Variants in EFL1 observed in about 807,000 individuals in gnomAD.
EFL1 encodes elongation factor like GTPase 1, also known as elongation factor-like GTPase 1.
In EFL1, 76 loss-of-function variants were observed where a neutral mutation model predicts 126.7. The ratio of observed to expected loss-of-function variants is 0.60; its 90% CI spans 0.50 to 0.73. EFL1 has a LOEUF of 0.73. Ranked by LOEUF, EFL1 falls within the 30% of genes least tolerant of loss-of-function variation. The pLI is 0.00. For missense variants in EFL1, 1,128 were observed against 1,343.2 expected, an observed-to-expected ratio of 0.84 and a Z score of 2.50; for synonymous variants, 410 against 448.4, an observed-to-expected ratio of 0.91 and a Z score of 1.08.
intron 19 of EFL1, among the ~76,000 whole-genome samples, chr15:82,134,314 A>G (rs1217551987): frequency 3.3e-5 from 5 of 152,074 alleles, no homozygotes; most frequent in Admixed American, 3.3e-4. Context: ...TGTGCTCTAC[A>G]GAAAGGACCC....
At position 82,238,329 on chromosome 15, in the gene EFL1, C is replaced by T; in HGVS notation, c.709G>A (p.Ala237Thr). Residue 237 changes from alanine to threonine, a missense_variant, in exon 7 of 20, where the codon GCA becomes ACA. By Grantham distance (58) the Ala-to-Thr change is moderately conservative (BLOSUM62 0). This residue lies in a region of EFL1 where 316 missense variants were observed against 318.5 expected (regional missense o/e 0.99). Transcript: ENST00000268206. The part of the protein sequence containing the change: ...PEQGNVVFTS[A>T]IDGWGFGIEH... ...TACCCAAAGCCCCACCCATCTATTG[C>T]ACTGGTAAACACCACATTTCCCTGT... 1 of 1,614,148 alleles carries T rather than the reference C, an allele frequency of 6.2e-7. No homozygotes were observed. The highest frequency in any genetic ancestry group is 8.5e-7 in the Non-Finnish European group (1 of 1,180,022).
rs765113282 is a variant in EFL1 at position 82,152,230 on chromosome 15, T to C, written c.2224A>G (p.Ile742Val). 2.7e-5 allele frequency: 43 copies of C among 1,614,104 alleles called. No homozygotes were observed. The highest frequency in any genetic ancestry group is 1.6e-4 in the Middle Eastern group (1 of 6,084). The change falls in exon 18 of 20, where the codon ATA (isoleucine) becomes GTA (valine). Residue 742 changes from isoleucine to valine, a missense_variant. Physicochemically the swap from Ile to Val is conservative, Grantham distance 29. Transcript: ENST00000268206. The stretch of plus-strand genomic sequence containing the variant: ...GTGGCAAGTTTATTGGGAGTTGTTA[T>C]GGTGATTAGCCCGTCAGAGTCAACT... ...IQVDSDGLIT[I>V]TTPNKLATLS...
chr15:82,241,175 A>G, intron 5 of EFL1, 95 bp downstream of exon 5: 3 of 1,426,648 alleles, frequency 2.1e-6, no homozygotes, highest in Non-Finnish European at 2.9e-6. Context: ...TATAAAACCA[A>G]TGTTGTGATT....
intron 4 of EFL1, among the ~76,000 whole-genome samples, chr15:82,247,027 G>A (rs1432541184): frequency 6.6e-6 from 1 of 152,106 alleles, no homozygotes; most frequent in Non-Finnish European, 1.5e-5. Context: ...AGAAGGTCAA[G>A]AACCAAAGAG....
At chr15:82,162,309 T>C (rs1048714672) in intron 16 of EFL1, among the ~76,000 whole-genome samples, 1 of 152,210 alleles carries the variant, frequency 6.6e-6, no homozygotes, top group African/African-American at 2.4e-5. Context: ...AGTAAAATTA[T>C]GGCTTAAATT....
At chr15:82,253,315 C>T (rs531973450) in intron 3 of EFL1, among the ~76,000 whole-genome samples, 3 of 151,360 alleles carry the variant, frequency 2.0e-5, no homozygotes, top group Admixed American at 6.6e-5. Flanking sequence ...GCTGGCATTA[C>T]GGGCATGAGC....
intron 4 of EFL1, among the ~76,000 whole-genome samples, chr15:82,247,504 A>G (rs1332080349): frequency 6.6e-6 from 1 of 152,138 alleles, no homozygotes; most frequent in Non-Finnish European, 1.5e-5. Flanking sequence ...TTGAAAGAAG[A>G]AGTTTGAAAA....
At chr15:82,174,853 G>A (rs1319391941) in intron 15 of EFL1, among the ~76,000 whole-genome samples, 3 of 152,190 alleles carry the variant, frequency 2.0e-5, no homozygotes, top group Non-Finnish European at 2.9e-5. Context: ...TTTTCCAAAG[G>A]TTAATATTTT....
intron 12 of EFL1, among the ~76,000 whole-genome samples, chr15:82,223,051 G>C (rs2074727960): frequency 6.6e-6 from 1 of 152,144 alleles, no homozygotes; most frequent in Non-Finnish European, 1.5e-5. Flanking sequence ...CACTAAGTTA[G>C]GGAAAAAATT....
intron 19 of EFL1, among the ~76,000 whole-genome samples, chr15:82,131,927 C>G (rs1391277573): frequency 6.6e-6 from 1 of 151,874 alleles, no homozygotes; most frequent in African/African-American, 2.4e-5. Flanking sequence ...AAAAAAGTCT[C>G]AAAGGAAAGT....
intron 15 of EFL1, among the ~76,000 whole-genome samples, chr15:82,196,405 G>C (rs1363204616): frequency 6.6e-6 from 1 of 152,200 alleles, no homozygotes; most frequent in South Asian, 2.1e-4. Flanking sequence ...TCTATATGCA[G>C]AGTATCAAAA....
chr15:82,239,936 CTT>C (rs746928143), intron 6 of EFL1, among the ~76,000 whole-genome samples: 32 of 152,312 alleles, frequency 2.1e-4, no homozygotes, highest in Non-Finnish European at 3.4e-4. Flanking sequence ...CCAAATATCT[CTT>C]TGTCTCCCCT....
intron 18 of EFL1, among the ~76,000 whole-genome samples, chr15:82,149,507 A>C (rs1412705474): frequency 6.6e-6 from 1 of 152,190 alleles, no homozygotes; most frequent in African/African-American, 2.4e-5. Context: ...GTAGGAGGTA[A>C]CAGTGTAGAC....
chr15:82,232,275 C>G (rs1184148232), intron 7 of EFL1, among the ~76,000 whole-genome samples: 4 of 152,194 alleles, frequency 2.6e-5, no homozygotes, highest in African/African-American at 9.7e-5. Flanking sequence ...CGACTTGGGT[C>G]TATTCTTAGA....
chr15:82,225,308 T>TA (rs371280599), intron 11 of EFL1, 44 bp from the exon 12 acceptor site: 120,247 of 1,013,992 alleles, frequency 0.12, 22 homozygotes, highest in East Asian at 0.14. Flanking sequence ...TTCCCATTAT[T>TA]AAAAAAAAAA....
At chr15:82,234,051 T>C (rs2074848723) in intron 7 of EFL1, among the ~76,000 whole-genome samples, 1 of 152,226 alleles carries the variant, frequency 6.6e-6, no homozygotes, top group Non-Finnish European at 1.5e-5. Context: ...TATCTAAAAA[T>C]GTCAAAAGTA....
chr15:82,149,272 A>T (rs192112320), intron 18 of EFL1, among the ~76,000 whole-genome samples: 7 of 152,324 alleles, frequency 4.6e-5, no homozygotes, highest in Non-Finnish European at 8.8e-5. Flanking sequence ...TTAAGTGTAT[A>T]GACTCAGTAC....
intron 15 of EFL1, among the ~76,000 whole-genome samples, chr15:82,197,813 T>C (rs2141278206): frequency 6.6e-6 from 1 of 152,178 alleles, no homozygotes; most frequent in African/African-American, 2.4e-5. Context: ...CAATTTCAAC[T>C]CCTCTATATT....
intron 13 of EFL1, 87 bp from the exon 14 acceptor site, chr15:82,219,905 T>G (rs541703112): frequency 3.0e-5 from 45 of 1,502,692 alleles, no homozygotes. Flanking sequence ...GTGAATATGA[T>G]ATCTTTCGTC....
Sources: gnomAD v4.1 joint callset for allele counts (sites outside exome capture counted in the v4.1 genomes callset) on GRCh38, gnomAD v4.1.1 for gene constraint, gnomAD v4.1.1 regional missense constraint, MANE v1.5 for transcripts, NCBI Gene and HGNC (gene_info 2026-07-23, HGNC 2026-07-21) for gene names.